The following AGAP1 variants were observed in gnomAD, a reference collection of about 807,000 sequenced individuals.
AGAP1 encodes arf-GAP with GTPase, ANK repeat and PH domain-containing protein 1.
Under a neutral mutation model 105.3 loss-of-function variants are expected in AGAP1, and 29 were observed. The ratio of observed to expected loss-of-function variants is 0.28; its 90% CI spans 0.21 to 0.38. AGAP1 has a LOEUF of 0.38. Among genes scored for constraint, AGAP1 ranks in the 10% least tolerant of loss-of-function variants. The pLI, the probability that AGAP1 is intolerant of heterozygous loss-of-function variation, is 1.00. For synonymous variants in AGAP1, 509 were observed against 485.9 expected (o/e 1.05, Z -0.63); for missense variants, 998 against 1,165.1 (o/e 0.86, Z 2.09).
intron 13 of AGAP1, among the ~76,000 whole-genome samples, chr2:235,974,882 C>T (rs925730373): frequency 2.6e-5 from 4 of 152,192 alleles, no homozygotes; most frequent in East Asian, 3.9e-4. Context: ...AAATAAAACT[C>T]GGTTCCTCTC....
intron 16 of AGAP1, among the ~76,000 whole-genome samples, chr2:236,093,519 AG>A (rs1328806113): frequency 1.3e-5 from 2 of 152,248 alleles, no homozygotes; most frequent in African/African-American, 2.4e-5. Flanking sequence ...CAATAGAAAT[AG>A]CTTGAAATCC....
At chr2:235,718,464 G>A (rs1171617254) in intron 3 of AGAP1, 16 of 900,024 alleles carry the variant, frequency 1.8e-5, no homozygotes, top group Non-Finnish European at 2.0e-5. Flanking sequence ...ACTTTGTACT[G>A]TAGCGTTCCC....
rs942333702 is a variant in AGAP1, at chr2:235,556,290, C to A, written c.163+61441C>A. ...TCCAGGTCCAAGAACAAGCCTGTGA[C>A]CCCCTGGGTCCCCTTTGTCCTTGGC... On this transcript the variant is annotated intron_variant, in intron 1 of 17. Transcript: ENST00000304032. The surrounding 1 kb of genome is among the most constrained non-coding windows in gnomAD (Gnocchi z 5.3). 6.6e-6 allele frequency among the ~76,000 whole-genome samples: 1 copy of A among 152,254 alleles called. No homozygotes were observed. Among genetic ancestry groups the A allele is most frequent in the African/African-American group, 2.4e-5 (1 of 41,476 alleles).
chr2:235,601,678 G>A lies in AGAP1; in HGVS notation c.163+106829G>A, dbSNP rs1257133642. ...ACAATTCAAGATGAGATTTGGGTGG[G>A]GACACAGCCAAACCATATCACCAGT... On this transcript the variant is annotated intron_variant, in intron 1 of 17. Transcript: ENST00000304032. The surrounding 1 kb of genome is among the most constrained non-coding windows in gnomAD (Gnocchi z 4.4). Among the ~76,000 whole-genome samples the A allele has an allele frequency of 1.3e-5, 2 of 152,128 alleles. No individual in the cohort carries two copies. The highest frequency in any genetic ancestry group is 2.4e-5 in the African/African-American group (1 of 41,442).
intron 1 of AGAP1, among the ~76,000 whole-genome samples, chr2:235,641,643 C>T (rs756500269): frequency 1.3e-5 from 2 of 152,318 alleles, no homozygotes; most frequent in South Asian, 4.2e-4. Context: ...TACTTTCCCC[C>T]CCACATACGT....
chr2:235,514,160 G>A (rs1454893767), intron 1 of AGAP1, among the ~76,000 whole-genome samples: 2 of 66,068 alleles, frequency 3.0e-5, no homozygotes, highest in Non-Finnish European at 6.4e-5. Context: ...GCGTGCGCGC[G>A]CGCACACACA....
At chr2:236,043,756 G>T (rs1345296490) in intron 15 of AGAP1, among the ~76,000 whole-genome samples, 1 of 151,120 alleles carries the variant, frequency 6.6e-6, no homozygotes, top group African/African-American at 2.4e-5. Context: ...GTGCTTAATT[G>T]AGATAAAGAA....
intron 16 of AGAP1, among the ~76,000 whole-genome samples, chr2:236,099,029 G>A (rs1346121130): frequency 1.3e-5 from 2 of 151,966 alleles, no homozygotes; most frequent in Non-Finnish European, 2.9e-5. Flanking sequence ...GAGCAGACTA[G>A]CCCCACCTCC....
In AGAP1 at chr2:235,977,858, C is replaced by A. The variant is rs921745424; in HGVS notation, c.1645+9235C>A. Among the ~76,000 whole-genome samples, 2 of 152,152 alleles carry A rather than the reference C, an allele frequency of 1.3e-5. No individual in the cohort carries two copies. The highest frequency in any genetic ancestry group is 2.9e-5 in the Non-Finnish European group (2 of 68,026). ...CTACCGTTTGTCTTAGCTCAGCCTG[C>A]CATATCAAAATGCCACAGACTGGGG... is the stretch of plus-strand genomic sequence containing the variant. On this transcript the variant is annotated intron_variant, in intron 13 of 17. Transcript: ENST00000304032. The surrounding 1 kb of genome is among the most constrained non-coding windows in gnomAD (Gnocchi z 5.2).
rs1956794893 is a variant in AGAP1 at position 235,788,702 on chromosome 2, C to T, written c.674-9057C>T. Among the ~76,000 whole-genome samples the T allele has an allele frequency of 1.3e-5, 2 of 152,140 alleles. No homozygotes were observed. Among genetic ancestry groups the T allele is most frequent in the South Asian group, 4.1e-4 (2 of 4,826 alleles). ...GCCTGAGACATGACCCCCGAGGGTT[C>T]TCCAGACAGGATCATTTGGAGCCCC... On this transcript the variant is annotated intron_variant, in intron 6 of 17. Transcript: ENST00000304032. This position sits in a 1 kb window ranked among gnomAD's most constrained non-coding sequence, Gnocchi z 6.0.
At chr2:235,589,186 A>ATTTTTTT (rs1559270688) in intron 1 of AGAP1, among the ~76,000 whole-genome samples, 3 of 35,122 alleles carry the variant, frequency 8.5e-5, no homozygotes, top group Non-Finnish European at 1.2e-4. Flanking sequence ...TTAATAGCTT[A>ATTTTTTT]TTGTTTTGTT....
At chr2:235,881,046 G>A (rs1390254834) in intron 9 of AGAP1, among the ~76,000 whole-genome samples, 5 of 152,124 alleles carry the variant, frequency 3.3e-5, no homozygotes, top group Admixed American at 1.3e-4. Context: ...CCACGTTTCC[G>A]TTAATAAGAA....
chr2:235,653,075 G>C (rs1484606415), intron 1 of AGAP1, among the ~76,000 whole-genome samples: 1 of 152,142 alleles, frequency 6.6e-6, no homozygotes, highest in Non-Finnish European at 1.5e-5. Context: ...TTGCTGTCTG[G>C]CCTTGGGCAA....
chr2:235,844,653 G>A (rs901462046), intron 9 of AGAP1, among the ~76,000 whole-genome samples: 3 of 152,042 alleles, frequency 2.0e-5, no homozygotes, highest in African/African-American at 4.8e-5. Context: ...CTGCCTCCCT[G>A]TCCCAGCTTC....
chr2:235,711,583 C>T (rs533466923), intron 2 of AGAP1, among the ~76,000 whole-genome samples: 6 of 152,284 alleles, frequency 3.9e-5, no homozygotes, highest in African/African-American at 9.6e-5. Flanking sequence ...GTTCTCAGAA[C>T]GGTCCTGTCC....
At chr2:235,774,025 A>G (rs771259259) in intron 6 of AGAP1, 9 of 463,980 alleles carry the variant, frequency 1.9e-5, no homozygotes, top group South Asian at 1.3e-4. Flanking sequence ...AGAGATAGCA[A>G]TTACTACTAC....
rs73996337 is a variant in AGAP1, at chr2:235,723,683, C to T, written c.310+6039C>T. Among the ~76,000 whole-genome samples the T allele has an allele frequency of 0.016, 2,510 of 152,324 alleles. 64 individuals are homozygous for T. Among genetic ancestry groups the T allele is most frequent in the African/African-American group, 0.058 (2,407 of 41,564 alleles). On this transcript the variant is annotated intron_variant, in intron 3 of 17. Coordinates refer to ENST00000304032, the MANE Select transcript of AGAP1 (RefSeq NM_001037131.3). The surrounding 1 kb of genome is among the most constrained non-coding windows in gnomAD (Gnocchi z 6.2). ...CCAGCACCACGCTGAGATCGTGGCACACCTGAGGAGGGCAGAAAGGTGGCC... is the reference window on the plus strand; with the variant it reads ...CCAGCACCACGCTGAGATCGTGGCATACCTGAGGAGGGCAGAAAGGTGGCC...
At chr2:235,933,705 G>T (rs1302550739) in intron 12 of AGAP1, among the ~76,000 whole-genome samples, 2 of 151,986 alleles carry the variant, frequency 1.3e-5, no homozygotes, top group Non-Finnish European at 2.9e-5. Context: ...GCTAATTTTT[G>T]TATTTTTAGT....
At chr2:235,884,321 C>T (rs1335434724) in intron 10 of AGAP1, among the ~76,000 whole-genome samples, 1 of 152,054 alleles carries the variant, frequency 6.6e-6, no homozygotes, top group Non-Finnish European at 1.5e-5. Flanking sequence ...AGAGTATCAT[C>T]CTCTATACTT....
Sources: allele counts gnomAD v4.1 joint callset (sites outside exome capture counted in the v4.1 genomes callset), GRCh38; gene constraint gnomAD v4.1.1; non-coding constraint Gnocchi (gnomAD v3.1); transcripts MANE v1.5; gene names NCBI Gene and HGNC (gene_info 2026-07-23, HGNC 2026-07-21).